The following MCPH1 variants were observed in gnomAD, a reference collection of about 807,000 sequenced individuals.
The protein encoded by MCPH1 is microcephalin.
MCPH1 carries 104 observed loss-of-function variants against 84.5 expected under a neutral mutation model. That is an observed-to-expected ratio of 1.23 (90% CI 1.05 to 1.45). The LOEUF is 1.45. Ranked by LOEUF, MCPH1 falls within the 40% of genes most tolerant of loss-of-function variation. MCPH1 has a pLI of 0.00. For synonymous variants in MCPH1, 514 were observed against 366.8 expected (o/e 1.40, Z -4.58); for missense variants, 1,498 against 1,005.7 (o/e 1.49, Z -6.62).
intron 5 of MCPH1, among the ~76,000 whole-genome samples, chr8:6,436,869 C>T (rs1802724522): frequency 6.6e-6 from 1 of 151,876 alleles, no homozygotes; most frequent in Non-Finnish European, 1.5e-5. Context: ...ACTTGGGAGG[C>T]TGAGGCAGGA....
At chr8:6,567,115 CGGTGCGGTG>C (rs1563138561) in intron 12 of MCPH1, among the ~76,000 whole-genome samples, 14 of 129,424 alleles carry the variant, frequency 1.1e-4, no homozygotes, top group African/African-American at 4.0e-4. Flanking sequence ...ATAGTGCACG[CGGTGCGGTG>C]ACCGTGTGTG....
At chr8:6,482,155 A>C (rs1008679521) in intron 11 of MCPH1, among the ~76,000 whole-genome samples, 1 of 152,186 alleles carries the variant, frequency 6.6e-6, no homozygotes, top group Non-Finnish European at 1.5e-5. Flanking sequence ...ATGTTCCCCA[A>C]GCACAAGAGT....
chr8:6,505,419 ACATAAAGAATATATATATTC>A (rs1813316393), intron 12 of MCPH1, among the ~76,000 whole-genome samples: 1 of 69,716 alleles, frequency 1.4e-5, no homozygotes, highest in Non-Finnish European at 3.2e-5. Flanking sequence ...TTCTTTATAT[ACATAAAGAATATATATATTC>A]TTTATATACA....
intron 12 of MCPH1, among the ~76,000 whole-genome samples, chr8:6,564,761 C>T (rs1158513204): frequency 6.6e-6 from 1 of 152,222 alleles, no homozygotes; most frequent in Non-Finnish European, 1.5e-5. Flanking sequence ...ATATCTGTGA[C>T]TTTCTCATCC....
chr8:6,603,327 T>C (rs777671755), intron 12 of MCPH1, among the ~76,000 whole-genome samples: 9 of 152,150 alleles, frequency 5.9e-5, no homozygotes, highest in Non-Finnish European at 7.4e-5. Flanking sequence ...ATGGAATGCA[T>C]AGGGGCATGA....
At chr8:6,496,773 C>G (rs1231636716) in intron 11 of MCPH1, among the ~76,000 whole-genome samples, 1 of 152,092 alleles carries the variant, frequency 6.6e-6, no homozygotes, top group Non-Finnish European at 1.5e-5. Context: ...GTGAGTTAAA[C>G]CAGCTTCATG....
intron 12 of MCPH1, among the ~76,000 whole-genome samples, chr8:6,550,291 C>CG (rs1554447692): frequency 1.3e-5 from 2 of 152,136 alleles, no homozygotes; most frequent in Non-Finnish European, 2.9e-5. Context: ...GTTGAATCCC[C>CG]GGGGCATCTG....
At chr8:6,465,542 G>A (rs922079478) in intron 9 of MCPH1, among the ~76,000 whole-genome samples, 1 of 152,180 alleles carries the variant, frequency 6.6e-6, no homozygotes, top group Non-Finnish European at 1.5e-5. Flanking sequence ...TCTGGAAAGC[G>A]TTCTCTCACT....
chr8:6,429,506 C>T (rs1446831642), intron 3 of MCPH1, among the ~76,000 whole-genome samples: 1 of 152,126 alleles, frequency 6.6e-6, no homozygotes, highest in Non-Finnish European at 1.5e-5. Context: ...TCCCCCGCCC[C>T]AGCTGCCAGG....
At chr8:6,601,806 C>T (rs1173424856) in intron 12 of MCPH1, among the ~76,000 whole-genome samples, 2 of 152,044 alleles carry the variant, frequency 1.3e-5, no homozygotes, top group Non-Finnish European at 2.9e-5. Flanking sequence ...CACACACACA[C>T]AAGCCTTTCC....
intron 12 of MCPH1, chr8:6,616,343 G>A (rs1168484359): frequency 6.6e-6 from 1 of 152,214 alleles, no homozygotes; most frequent in East Asian, 1.9e-4. Flanking sequence ...CACCCATGGG[G>A]CTTCATTTCT....
At chr8:6,462,407 A>T (rs1806388538) in intron 9 of MCPH1, among the ~76,000 whole-genome samples, 1 of 152,262 alleles carries the variant, frequency 6.6e-6, no homozygotes, top group Non-Finnish European at 1.5e-5. Context: ...TAAGAGATGC[A>T]TTAATTTCCC....
chr8:6,497,224 T>G (rs931360431), intron 11 of MCPH1, among the ~76,000 whole-genome samples: 1 of 151,570 alleles, frequency 6.6e-6, no homozygotes, highest in African/African-American at 2.4e-5. Context: ...CTCACACCTA[T>G]AATCCCAACA....
intron 12 of MCPH1, among the ~76,000 whole-genome samples, chr8:6,539,407 A>C (rs1169285318): frequency 6.6e-6 from 1 of 152,146 alleles, no homozygotes; most frequent in African/African-American, 2.4e-5. Context: ...CTAAAGGCCG[A>C]GGGAGGGAAG....
At position 6,617,549 on chromosome 8, in the gene MCPH1, A is replaced by G. The variant is rs1830932683; in HGVS notation, c.2215-3905A>G. Reference sequence around the variant, plus strand: ...TAAAACAACACGATGCCACCGAGCCATCGTTCCCCAACTTACGTCTGTCCC... The same window carrying G: ...TAAAACAACACGATGCCACCGAGCCGTCGTTCCCCAACTTACGTCTGTCCC... On this transcript the variant is annotated intron_variant, in intron 12 of 13. Coordinates refer to ENST00000344683, the MANE Select transcript of MCPH1 (RefSeq NM_024596.5). Among the ~76,000 whole-genome samples, 7 of 152,092 alleles carry G rather than the reference A, an allele frequency of 4.6e-5. No individual in the cohort carries two copies. The South Asian group carries it at 1.5e-3, about 32-fold the overall frequency.
chr8:6,476,099 C>T (rs748346878), intron 9 of MCPH1, among the ~76,000 whole-genome samples: 1 of 152,118 alleles, frequency 6.6e-6, no homozygotes, highest in Admixed American at 6.5e-5. Flanking sequence ...ACAATACAGA[C>T]ATACAAACAG....
At chr8:6,473,955 A>C (rs1473972824) in intron 9 of MCPH1, 20 of 1,326,842 alleles carry the variant, frequency 1.5e-5, no homozygotes, top group Non-Finnish European at 1.9e-5. Flanking sequence ...TCTTCCTTGT[A>C]GGATGCCGTG....
intron 12 of MCPH1, among the ~76,000 whole-genome samples, chr8:6,540,755 A>G (rs1586495615): frequency 1.3e-5 from 2 of 152,404 alleles, no homozygotes; most frequent in East Asian, 1.9e-4. Context: ...AGACAAAGGC[A>G]GGCATGCAGG....
At chr8:6,422,335 G>C (rs1800330368) in intron 3 of MCPH1, among the ~76,000 whole-genome samples, 1 of 75,620 alleles carries the variant, frequency 1.3e-5, no homozygotes, top group Non-Finnish European at 4.3e-5. Flanking sequence ...GGGGGAAAAT[G>C]ATTTGAAAAA....
Sources: allele counts gnomAD v4.1 joint callset (sites outside exome capture counted in the v4.1 genomes callset), GRCh38; gene constraint gnomAD v4.1.1; transcripts MANE v1.5; gene names NCBI Gene and HGNC (gene_info 2026-07-23, HGNC 2026-07-21).